The following PNPT1 variants were observed in gnomAD, a reference collection of about 807,000 sequenced individuals.
PNPT1 encodes polyribonucleotide nucleotidyltransferase 1, mitochondrial.
Under a neutral mutation model 119.5 loss-of-function variants are expected in PNPT1, and 53 were observed. The ratio of observed to expected loss-of-function variants is 0.44; its 90% CI spans 0.36 to 0.56. The LOEUF (loss-of-function observed/expected upper bound fraction) is 0.56, where lower values mean the gene tolerates loss of function less well. Ranked by LOEUF, PNPT1 falls within the 20% of genes least tolerant of loss-of-function variation. The probability of loss-of-function intolerance (pLI) is 0.00; values close to 1 mark genes in which losing one functional copy is unlikely to be tolerated. For missense variants in PNPT1, 948 were observed against 938.5 expected (o/e 1.01, Z -0.13); for synonymous variants, 357 against 322.1 (o/e 1.11, Z -1.16).
intron 7 of PNPT1, 50 bp downstream of exon 7, chr2:55,680,662 C>G: frequency 1.3e-6 from 2 of 1,536,516 alleles, no homozygotes; most frequent in Non-Finnish European, 1.8e-6. Context: ...CTACTACTTA[C>G]TGAAAAAAAA....
intron 13 of PNPT1, among the ~76,000 whole-genome samples, chr2:55,664,431 G>T (rs1008560288): frequency 3.3e-5 from 5 of 152,094 alleles, no homozygotes; most frequent in African/African-American, 1.2e-4. Flanking sequence ...GCGAAACCCT[G>T]ACTCTACAAA....
At chr2:55,637,469 T>C (rs1695710341) in intron 27 of PNPT1, 83 bp downstream of exon 27, 22 of 1,288,778 alleles carry the variant, frequency 1.7e-5, no homozygotes, top group Non-Finnish European at 2.2e-5. Context: ...AGATGGTGAC[T>C]CTTCTTTCAA....
chr2:55,674,825 T>G (rs1357159309), intron 8 of PNPT1, among the ~76,000 whole-genome samples: 1 of 152,328 alleles, frequency 6.6e-6, no homozygotes, highest in South Asian at 2.1e-4. Flanking sequence ...AAATTTCTTC[T>G]GATACCATGA....
intron 5 of PNPT1, among the ~76,000 whole-genome samples, chr2:55,682,971 T>C (rs371200361): frequency 6.6e-6 from 1 of 152,164 alleles, no homozygotes. Context: ...CAAAGGCATA[T>C]TTGCAAGGTG....
chr2:55,682,621 T>A (rs1697283107), intron 5 of PNPT1, among the ~76,000 whole-genome samples: 1 of 151,848 alleles, frequency 6.6e-6, no homozygotes, highest in Non-Finnish European at 1.5e-5. Context: ...GAAAAAAACT[T>A]CAGTGACCGG....
intron 13 of PNPT1, among the ~76,000 whole-genome samples, chr2:55,663,255 T>C (rs964838365): frequency 1.5e-4 from 23 of 152,148 alleles, no homozygotes; most frequent in African/African-American, 5.6e-4. Context: ...AATTCTAGAA[T>C]TGAAAACTTT....
chr2:55,680,503 G>A (rs1329973666), intron 7 of PNPT1, among the ~76,000 whole-genome samples: 1 of 150,690 alleles, frequency 6.6e-6, no homozygotes, highest in Admixed American at 6.6e-5. Flanking sequence ...CATAAAATCT[G>A]TAATACCGTA....
intron 18 of PNPT1, among the ~76,000 whole-genome samples, chr2:55,648,349 A>C (rs940062603): frequency 6.6e-6 from 1 of 152,208 alleles, no homozygotes; most frequent in Non-Finnish European, 1.5e-5. Flanking sequence ...TATGTTTTAC[A>C]AGTCACACAC....
chr2:55,640,293 A>G (rs147622490), intron 26 of PNPT1, among the ~76,000 whole-genome samples: 110 of 152,214 alleles, frequency 7.2e-4, no homozygotes, highest in African/African-American at 2.5e-3. Flanking sequence ...AGCTAAGACT[A>G]CATGCGCACG....
At chr2:55,690,222 G>C (rs907526720) in intron 1 of PNPT1, among the ~76,000 whole-genome samples, 1 of 152,170 alleles carries the variant, frequency 6.6e-6, no homozygotes, top group Non-Finnish European at 1.5e-5. Context: ...TTATTCCCTA[G>C]TTTCAGCAGA....
At chr2:55,656,437 C>G in intron 15 of PNPT1, 66 bp from the exon 16 acceptor site, 1 of 1,394,720 alleles carries the variant, frequency 7.2e-7, no homozygotes, top group Non-Finnish European at 9.8e-7. Context: ...AGTTATATTA[C>G]CAAAATAATA....
chr2:55,692,315 C>T (rs1296671982), intron 1 of PNPT1, among the ~76,000 whole-genome samples: 1 of 152,150 alleles, frequency 6.6e-6, no homozygotes, highest in African/African-American at 2.4e-5. Flanking sequence ...ACTCTCCACA[C>T]TTTGCACAAG....
chr2:55,673,552 C>G (rs1345279710), intron 8 of PNPT1, among the ~76,000 whole-genome samples: 2 of 151,808 alleles, frequency 1.3e-5, no homozygotes, highest in Non-Finnish European at 2.9e-5. Context: ...AGGTTCACAC[C>G]ATTGTCCTGC....
chr2:55,645,570 A>G, intron 21 of PNPT1, 138 bp from the exon 22 acceptor site: 1 of 561,586 alleles, frequency 1.8e-6, no homozygotes. Context: ...TTACCTTGAA[A>G]ATTCACTCAT....
At chr2:55,668,196 A>C (rs1230467959) in intron 11 of PNPT1, among the ~76,000 whole-genome samples, 1 of 152,208 alleles carries the variant, frequency 6.6e-6, no homozygotes, top group African/African-American at 2.4e-5. Context: ...TTTTCTACCT[A>C]AATGACTGAA....
chr2:55,637,298 T>C (rs575614332), intron 27 of PNPT1, among the ~76,000 whole-genome samples: 2 of 152,328 alleles, frequency 1.3e-5, no homozygotes, highest in African/African-American at 4.8e-5. Flanking sequence ...TAGCTAACAC[T>C]AACATGCTCA....
chr2:55,670,222 C>T (rs996571909), intron 11 of PNPT1, among the ~76,000 whole-genome samples: 4 of 150,878 alleles, frequency 2.7e-5, no homozygotes, highest in Admixed American at 6.6e-5. Context: ...AGTCTCGCTC[C>T]GTTGCCCAAG....
intron 2 of PNPT1, among the ~76,000 whole-genome samples, chr2:55,686,835 C>G (rs782575): frequency 0.93 from 142,308 of 152,264 alleles, 67,082 homozygotes; most frequent in African/African-American, 0.98. Flanking sequence ...GGATGTTAAA[C>G]GTCACTTAAT....
intron 1 of PNPT1, among the ~76,000 whole-genome samples, chr2:55,688,686 A>T (rs1303130618): frequency 6.6e-6 from 1 of 152,012 alleles, no homozygotes; most frequent in African/African-American, 2.4e-5. Flanking sequence ...GATTGTGCCA[A>T]TGCAGTCCAG....
Sources: gnomAD v4.1 joint callset for allele counts (sites outside exome capture counted in the v4.1 genomes callset) on GRCh38, gnomAD v4.1.1 for gene constraint, MANE v1.5 for transcripts, NCBI Gene and HGNC (gene_info 2026-07-23, HGNC 2026-07-21) for gene names.